The following CORIN variants were observed in gnomAD, a reference collection of about 807,000 sequenced individuals.
The protein encoded by CORIN is atrial natriuretic peptide-converting enzyme.
CORIN carries 117 observed loss-of-function variants against 125.3 expected under a neutral mutation model. The observed-to-expected ratio is 0.93, with a 90% CI of 0.80 to 1.09. CORIN has a LOEUF of 1.09. CORIN is among the 50% of genes least tolerant of loss of function. The pLI, the probability that CORIN is intolerant of heterozygous loss-of-function variation, is 0.00. For missense variants in CORIN, 1,253 were observed against 1,306.7 expected, an observed-to-expected ratio of 0.96 and a Z score of 0.63; for synonymous variants, 450 against 466.4, an observed-to-expected ratio of 0.96 and a Z score of 0.45.
At chr4:47,805,367 G>A (rs28754503) in intron 2 of CORIN, among the ~76,000 whole-genome samples, 11,047 of 151,732 alleles carry the variant, frequency 0.073, 1,380 homozygotes, top group African/African-American at 0.25. Flanking sequence ...TAAAAAACCT[G>A]GTTACCCAAG....
Position 47,661,759 on chromosome 4 carries a change from C to T in CORIN, c.1687G>A (p.Glu563Lys). Reference sequence around the variant, plus strand: ...AGGCAGGTTTGATTGTCTGAATTTTCCTCTGGAAATTGACTGCAATCTGTG... The same window carrying T: ...AGGCAGGTTTGATTGTCTGAATTTTTCTCTGGAAATTGACTGCAATCTGTG... ...EDTDCSQFPEENSDNQTCLMP... is the reference protein window; with the variant it reads ...EDTDCSQFPEKNSDNQTCLMP... Residue 563 changes from glutamate to lysine, a missense_variant, in exon 12 of 22, where the codon GAA (glutamate) becomes AAA (lysine). Glu to Lys is a moderately conservative substitution (Grantham distance 56). Transcript: ENST00000273857. 1.2e-6 allele frequency: 2 copies of T among 1,613,492 alleles called. No homozygotes were observed. The highest frequency in any genetic ancestry group is 1.7e-5 in the Admixed American group (1 of 59,978).
chr4:47,671,041 C>A (rs1380474097), intron 10 of CORIN, among the ~76,000 whole-genome samples: 1 of 152,106 alleles, frequency 6.6e-6, no homozygotes, highest in East Asian at 1.9e-4. Flanking sequence ...ATACACAAAC[C>A]TTTTCATATT....
intron 5 of CORIN, among the ~76,000 whole-genome samples, chr4:47,736,186 T>A (rs1288479878): frequency 6.6e-6 from 1 of 152,182 alleles, no homozygotes; most frequent in Non-Finnish European, 1.5e-5. Context: ...AAAGGACTTC[T>A]CTTTCAGTTT....
intron 21 of CORIN, 65 bp downstream of exon 21, chr4:47,600,149 G>C: frequency 6.8e-7 from 1 of 1,467,472 alleles, no homozygotes; most frequent in Non-Finnish European, 9.3e-7. Flanking sequence ...GTAATAATGA[G>C]TTTATAGGAA....
intron 1 of CORIN, among the ~76,000 whole-genome samples, chr4:47,817,690 G>C (rs1029141607): frequency 6.6e-6 from 1 of 152,210 alleles, no homozygotes; most frequent in Non-Finnish European, 1.5e-5. Flanking sequence ...CTGAAGAAAG[G>C]CTGCCCCAAA....
intron 12 of CORIN, among the ~76,000 whole-genome samples, chr4:47,659,672 G>A (rs1034497601): frequency 2.0e-5 from 3 of 152,100 alleles, no homozygotes; most frequent in African/African-American, 7.2e-5. Flanking sequence ...CCAATCACAA[G>A]GGATCTGCCC....
At chr4:47,710,861 G>A (rs893033834) in intron 5 of CORIN, among the ~76,000 whole-genome samples, 2 of 152,182 alleles carry the variant, frequency 1.3e-5, no homozygotes, top group African/African-American at 4.8e-5. Flanking sequence ...CTGCTCACAC[G>A]CATGATCTAT....
chr4:47,696,869 T>C (rs577477675), intron 5 of CORIN, among the ~76,000 whole-genome samples: 58 of 152,334 alleles, frequency 3.8e-4, no homozygotes, highest in African/African-American at 1.3e-3. Flanking sequence ...CAAATGCTCT[T>C]ATTATTCTGG....
chr4:47,742,548 A>T (rs180811125), intron 5 of CORIN, among the ~76,000 whole-genome samples: 1 of 152,166 alleles, frequency 6.6e-6, no homozygotes, highest in Non-Finnish European at 1.5e-5. Flanking sequence ...CAAGATCTCT[A>T]TGGTTAAACC....
chr4:47,718,028 T>C (rs1165031537), intron 5 of CORIN, among the ~76,000 whole-genome samples: 1 of 152,178 alleles, frequency 6.6e-6, no homozygotes, highest in Non-Finnish European at 1.5e-5. Context: ...ATGGGCACAG[T>C]ATTCCCAGTA....
intron 10 of CORIN, among the ~76,000 whole-genome samples, chr4:47,673,406 C>T (rs1724862018): frequency 6.7e-6 from 1 of 150,366 alleles, no homozygotes; most frequent in Non-Finnish European, 1.5e-5. Context: ...TATCCTCTTG[C>T]CAACTGAAAA....
At chr4:47,732,628 A>G (rs1307950167) in intron 5 of CORIN, among the ~76,000 whole-genome samples, 1 of 146,520 alleles carries the variant, frequency 6.8e-6, no homozygotes, top group Non-Finnish European at 1.5e-5. Context: ...CAGTGGCACG[A>G]CCTCAGCTCA....
intron 19 of CORIN, among the ~76,000 whole-genome samples, chr4:47,607,212 T>C (rs1351720366): frequency 1.3e-5 from 2 of 152,048 alleles, no homozygotes; most frequent in East Asian, 1.9e-4. Flanking sequence ...ACCGAGACCA[T>C]CCTGGCTAAC....
At chr4:47,611,557 C>T (rs1007895534) in intron 19 of CORIN, among the ~76,000 whole-genome samples, 1 of 152,172 alleles carries the variant, frequency 6.6e-6, no homozygotes, top group Non-Finnish European at 1.5e-5. Flanking sequence ...AATTTGATTT[C>T]CTCTCTTCCT....
chr4:47,595,964 G>C, intron 21 of CORIN, 61 bp from the exon 22 acceptor site: 2 of 1,375,072 alleles, frequency 1.5e-6, no homozygotes, highest in Non-Finnish European at 2.0e-6. Context: ...GTGTGTCCAT[G>C]CTATCCTGAG....
rs148520493 is a variant in CORIN, at chr4:47,643,180, G to A, written c.2034C>T (p.Ala678=). Reference sequence around the variant, plus strand: ...ATTCATCTGAACTGTCTGAGCAGTCGGCTTCACCATCACACCACAGGTCAC... The same window carrying A: ...ATTCATCTGAACTGTCTGAGCAGTCAGCTTCACCATCACACCACAGGTCAC... ...VSRDLWCDGE[A]DCSDSSDEWD... is the part of the protein sequence containing the mutation. Residue 678 remains alanine (A), a synonymous_variant, in exon 15 of 22, where the codon GCC becomes GCT. Transcript: ENST00000273857. The A allele has an allele frequency of 5.1e-5, 82 of 1,614,042 alleles. No homozygotes were observed. In the African/African-American group the frequency reaches 5.9e-4, roughly 12 times the overall value.
intron 5 of CORIN, among the ~76,000 whole-genome samples, chr4:47,743,675 A>C (rs545490608): frequency 4.6e-5 from 7 of 152,360 alleles, no homozygotes; most frequent in African/African-American, 1.7e-4. Context: ...TCACGACATA[A>C]GGAGTTCAAG....
chr4:47,807,057 AAG>A lies in CORIN; in HGVS notation c.64-12_64-11del. On this transcript the variant is annotated splice_polypyrimidine_tract_variant and intron_variant, in intron 1 of 21. Transcript: ENST00000273857. ...CATCAGCTCTCAAGACCTAAAGTAA[AAG>A]AGGAAAATGCAACATGGTTTTAGTT... The A allele has an allele frequency of 6.2e-7, 1 of 1,602,312 alleles. No individual in the cohort carries two copies.
chr4:47,773,709 T>C (rs73150652), intron 3 of CORIN, among the ~76,000 whole-genome samples: 80 of 152,206 alleles, frequency 5.3e-4, no homozygotes, highest in African/African-American at 1.9e-3. Flanking sequence ...TCTAGTCTCC[T>C]TAAAATACAC....
Sources: allele counts gnomAD v4.1 joint callset (sites outside exome capture counted in the v4.1 genomes callset), GRCh38; gene constraint gnomAD v4.1.1; transcripts MANE v1.5; gene names NCBI Gene and HGNC (gene_info 2026-07-23, HGNC 2026-07-21).